Variants in TUT4 observed in about 807,000 individuals in gnomAD.
TUT4 encodes the protein terminal uridylyl transferase 4, also known as terminal uridylyltransferase 4.
A neutral mutation model predicts 192.2 loss-of-function variants in TUT4; 36 were observed. That is an observed-to-expected ratio of 0.19 (90% confidence interval 0.14 to 0.25). The LOEUF (loss-of-function observed/expected upper bound fraction) is 0.25, where lower values mean the gene tolerates loss of function less well. Among genes scored for constraint, TUT4 ranks in the 10% least tolerant of loss-of-function variants. TUT4 has a pLI of 1.00. For synonymous variants in TUT4, 618 were observed against 666.0 expected, an observed-to-expected ratio of 0.93 and a Z score of 1.11; for missense variants, 1,493 against 1,957.2, an observed-to-expected ratio of 0.76 and a Z score of 4.47.
intron 24 of TUT4, 23 bp downstream of exon 24, chr1:52,445,764 C>T (rs758612882): frequency 2.6e-6 from 4 of 1,539,198 alleles, no homozygotes; most frequent in Non-Finnish European, 3.5e-6. Flanking sequence ...AAAAGATTCA[C>T]AATTCATATA....
chr1:52,476,720 T>C (rs934927646), intron 12 of TUT4, among the ~76,000 whole-genome samples: 1 of 152,184 alleles, frequency 6.6e-6, no homozygotes, highest in Non-Finnish European at 1.5e-5. Flanking sequence ...TTATTTACTA[T>C]ATATAAGAGT....
intron 20 of TUT4, among the ~76,000 whole-genome samples, chr1:52,451,221 G>GCGCC (rs10678258): frequency 0.032 from 4,905 of 151,120 alleles, 196 homozygotes; most frequent in African/African-American, 0.095. Context: ...AGCCGAGATT[G>GCGCC]CGCCACTGCA....
chr1:52,528,066 C>T (rs1473240274), intron 1 of TUT4, among the ~76,000 whole-genome samples: 2 of 150,854 alleles, frequency 1.3e-5, no homozygotes, highest in Non-Finnish European at 2.9e-5. Context: ...AAAATCCTAC[C>T]TATTTAAGAG....
chr1:52,451,408 A>G (rs909385076), intron 20 of TUT4, among the ~76,000 whole-genome samples: 10 of 152,242 alleles, frequency 6.6e-5, no homozygotes, highest in Non-Finnish European at 1.5e-4. Flanking sequence ...CAGGCTAATT[A>G]AGAAGAGAAG....
chr1:52,539,761 G>T (rs2149637607), intron 1 of TUT4, among the ~76,000 whole-genome samples: 1 of 151,916 alleles, frequency 6.6e-6, no homozygotes, highest in South Asian at 2.1e-4. Context: ...ACAAAAATTA[G>T]CTGGGAGTGG....
At chr1:52,478,426 T>C (rs1176880452) in intron 11 of TUT4, among the ~76,000 whole-genome samples, 1 of 152,190 alleles carries the variant, frequency 6.6e-6, no homozygotes, top group Non-Finnish European at 1.5e-5. Context: ...AGGAATATCA[T>C]AAAATAAAGA....
intron 29 of TUT4, chr1:52,425,116 T>A (rs1463996830): frequency 2.7e-6 from 1 of 374,714 alleles, no homozygotes; most frequent in East Asian, 4.2e-5. Context: ...GTTAACTGAT[T>A]CATCTAAACT....
chr1:52,469,869 C>G (rs981305933), intron 14 of TUT4, among the ~76,000 whole-genome samples: 2 of 133,848 alleles, frequency 1.5e-5, no homozygotes, highest in African/African-American at 5.7e-5. Flanking sequence ...CCAGCCTGGG[C>G]GACAGAGCGA....
Position 52,539,841 on chromosome 1 carries a change from G to A in TUT4, c.-94+13090C>T, listed in dbSNP as rs1388820371. ...AGAATCACTTGAACCAGGAGGCGGGGGTTGCAGTGAGCCAAGATTATGCCA... is the reference window on the plus strand; with the variant it reads ...AGAATCACTTGAACCAGGAGGCGGGAGTTGCAGTGAGCCAAGATTATGCCA... On this transcript the variant is annotated intron_variant, in intron 1 of 29. Transcript: ENST00000257177. Among the ~76,000 whole-genome samples the A allele has an allele frequency of 1.3e-5, 2 of 151,746 alleles. 1 individual carries two copies. The highest frequency in any genetic ancestry group is 4.8e-5 in the African/African-American group (2 of 41,306).
intron 1 of TUT4, among the ~76,000 whole-genome samples, chr1:52,529,373 T>C (rs1237194348): frequency 6.6e-6 from 1 of 152,214 alleles, no homozygotes; most frequent in Admixed American, 6.5e-5. Flanking sequence ...TAAGGTGTTT[T>C]ACATAACTGT....
chr1:52,436,453 T>A (rs763398804), intron 26 of TUT4, among the ~76,000 whole-genome samples: 4 of 152,046 alleles, frequency 2.6e-5, no homozygotes, highest in Admixed American at 6.6e-5. Flanking sequence ...GCCACTGTAC[T>A]CCAGCCTGGG....
chr1:52,509,684 T>C lies in TUT4; in HGVS notation c.911A>G (p.Tyr304Cys), dbSNP rs1413644059. ...KRSPEYTNCR[Y>C]LCKLCLIHIE... Reference sequence around the variant, plus strand: ...GTGAATTAAGCAAAGTTTGCATAGATACCGACAATTGGTATATTCTGGTGA... The same window carrying C: ...GTGAATTAAGCAAAGTTTGCATAGACACCGACAATTGGTATATTCTGGTGA... The change falls in exon 4 of 30, where the codon TAT (tyrosine) becomes TGT (cysteine). Residue 304 changes from tyrosine (Y) to cysteine (C), a missense_variant. Tyr to Cys is a radical substitution (Grantham distance 194, BLOSUM62 -2). Transcript: ENST00000257177. The C allele has an allele frequency of 1.2e-6, 2 of 1,611,490 alleles. No homozygotes were observed. Among genetic ancestry groups the C allele is most frequent in the Admixed American group, 1.7e-5 (1 of 59,986 alleles).
chr1:52,531,193 C>T (rs1460694277), intron 1 of TUT4, among the ~76,000 whole-genome samples: 1 of 151,832 alleles, frequency 6.6e-6, no homozygotes, highest in Non-Finnish European at 1.5e-5. Flanking sequence ...CCTTAAATAA[C>T]CAACTATATC....
chr1:52,510,961 C>T (rs1219373472), intron 3 of TUT4, among the ~76,000 whole-genome samples: 1 of 152,174 alleles, frequency 6.6e-6, no homozygotes, highest in African/African-American at 2.4e-5. Flanking sequence ...TAATGCCTTA[C>T]ACTGAAACTT....
intron 14 of TUT4, 32 bp from the exon 15 acceptor site, chr1:52,468,299 A>G (rs1265446769): frequency 1.3e-6 from 2 of 1,501,864 alleles, no homozygotes; most frequent in African/African-American, 1.4e-5. Context: ...AAAAGGAAAA[A>G]GAAAAGTAAG....
Position 52,475,713 on chromosome 1 carries a change from T to A in TUT4, c.2024-178A>T, listed in dbSNP as rs115559644. On this transcript the variant is annotated intron_variant, in intron 12 of 29. Transcript: ENST00000257177. ...ATGGGAGGAAATACAATTGCAACAT[T>A]TTTTTCTTTCTCTCATAAAATAAAA... Among the ~76,000 whole-genome samples the A allele has an allele frequency of 8.3e-4, 126 of 152,248 alleles. 1 individual carries two copies. Among genetic ancestry groups the A allele is most frequent in the Non-Finnish European group, 1.5e-3 (100 of 68,016 alleles).
At chr1:52,509,944 G>A (rs1045034810) in intron 3 of TUT4, among the ~76,000 whole-genome samples, 48 of 152,044 alleles carry the variant, frequency 3.2e-4, no homozygotes, top group African/African-American at 1.1e-3. Flanking sequence ...ACTTTAATAC[G>A]ATATCTAACA....
At position 52,425,520 on chromosome 1, in the gene TUT4, A is replaced by C. The variant is rs554141934; in HGVS notation, c.4712-13T>G. On this transcript the variant is annotated splice_polypyrimidine_tract_variant and intron_variant, in intron 28 of 29. Transcript: ENST00000257177. ...CGAAAGCCTGGCTCTGCATTTCAAC[A>C]AGAGGGAAAAAGACATTTAAAAACA... 6 of 1,598,390 alleles carry C rather than the reference A, an allele frequency of 3.8e-6. No individual in the cohort carries two copies. The highest frequency in any genetic ancestry group is 5.1e-6 in the Non-Finnish European group (6 of 1,172,950).
chr1:52,475,378 C>T lies in TUT4; in HGVS notation c.2181G>A (p.Lys727=). The change falls in exon 13 of 30, where the codon AAG becomes AAA. Residue 727 remains lysine, a synonymous_variant. Coordinates refer to ENST00000257177, the MANE Select transcript of TUT4 (RefSeq NM_001009881.3). ...CTGGTTTCTTATTGCTTATTTTCCC[C>T]TTCTCTCTTTTCTTGAAATCCACTG... The part of the protein sequence containing the change: ...KSTVDFKKRE[K]GKISNKKPVK... 6.2e-7 allele frequency: 1 copy of T among 1,614,104 alleles called. No homozygotes were observed. Among genetic ancestry groups the T allele is most frequent in the Non-Finnish European group, 8.5e-7 (1 of 1,180,036 alleles).
Sources: gnomAD v4.1 joint callset for allele counts (sites outside exome capture counted in the v4.1 genomes callset) on GRCh38, gnomAD v4.1.1 for gene constraint, MANE v1.5 for transcripts, NCBI Gene and HGNC (gene_info 2026-07-23, HGNC 2026-07-21) for gene names.